Variants in SRSF11 observed in about 807,000 individuals in gnomAD.
SRSF11 encodes the protein serine and arginine rich splicing factor 11.
SRSF11 carries 9 observed loss-of-function variants against 56.0 expected under a neutral mutation model. The observed-to-expected ratio is 0.16, with a 90% CI of 0.10 to 0.28. The LOEUF (loss-of-function observed/expected upper bound fraction) is 0.28, where lower values mean the gene tolerates loss of function less well. Among genes scored for constraint, SRSF11 ranks in the 10% least tolerant of loss-of-function variants. The pLI is 1.00. For missense variants in SRSF11, 421 were observed against 600.7 expected (o/e 0.70, Z 3.13); for synonymous variants, 222 against 215.3 (o/e 1.03, Z -0.27).
At chr1:70,235,245 C>G (rs1014547481) in intron 4 of SRSF11, among the ~76,000 whole-genome samples, 6 of 151,512 alleles carry the variant, frequency 4.0e-5, no homozygotes, top group African/African-American at 1.5e-4. Context: ...AATACCTAGA[C>G]TGTTCAGCCT....
intron 6 of SRSF11, 120 bp from the exon 7 acceptor site, chr1:70,239,319 T>A: frequency 1.5e-6 from 1 of 659,088 alleles, no homozygotes; most frequent in Non-Finnish European, 2.6e-6. Flanking sequence ...CTTGAACTCC[T>A]GGACTGAAGT....
rs1670569916 is a variant in SRSF11 at position 70,221,404 on chromosome 1, GGGC to G, written c.-229_-227del. 1.9e-6 allele frequency: 1 copy of G among 538,214 alleles called. No individual in the cohort carries two copies. Among genetic ancestry groups the G allele is most frequent in the Non-Finnish European group, 3.2e-6 (1 of 310,064 alleles). The allele number at this position is 538,214 out of a possible 1,614,324, so 33.3% of individuals were successfully genotyped here. The stretch of plus-strand genomic sequence containing the variant: ...TAGTGTCGTGGTTGGAGGCGAGGTG[GGGC>G]GGCCGTTTGTTTTCTCGTGGTCTCG... On this transcript the variant is annotated 5_prime_UTR_variant, in exon 1 of 12. Coordinates refer to ENST00000370949, the MANE Select transcript of SRSF11 (RefSeq NM_001350605.2).
At chr1:70,225,946 A>T (rs1419017599) in intron 1 of SRSF11, among the ~76,000 whole-genome samples, 1 of 152,112 alleles carries the variant, frequency 6.6e-6, no homozygotes, top group Non-Finnish European at 1.5e-5. Context: ...GATAAATTTT[A>T]TTAGGAGGCT....
rs1483281859 is a variant in SRSF11, at chr1:70,252,480, T to C, written c.*1675T>C. 2 of 152,076 alleles carry C rather than the reference T, an allele frequency of 1.3e-5. No individual in the cohort carries two copies. Among genetic ancestry groups the C allele is most frequent in the South Asian group, 2.1e-4 (1 of 4,832 alleles). The allele number at this position is 152,076 out of a possible 1,614,324, so 9.4% of individuals were successfully genotyped here. The stretch of plus-strand genomic sequence containing the variant: ...CTTTTATCCAAGTTTTGAGTATAAA[T>C]AGGGTTTTGTTTTGTTTTTTTTAAC... On this transcript the variant is annotated 3_prime_UTR_variant, in exon 12 of 12. Coordinates refer to ENST00000370949, the MANE Select transcript of SRSF11 (RefSeq NM_001350605.2).
chr1:70,229,255 G>A (rs1252424884), intron 2 of SRSF11: 20 of 1,289,478 alleles, frequency 1.6e-5, no homozygotes, highest in Non-Finnish European at 1.9e-5. Context: ...GAAAAACAGT[G>A]GGTCCTCTGC....
At chr1:70,234,403 AG>A (rs1558189328) in intron 3 of SRSF11, among the ~76,000 whole-genome samples, 1 of 152,160 alleles carries the variant, frequency 6.6e-6, no homozygotes, top group Non-Finnish European at 1.5e-5. Context: ...TCTAGGATTT[AG>A]GGGGGAAATG....
intron 3 of SRSF11, among the ~76,000 whole-genome samples, chr1:70,233,292 C>G (rs902627381): frequency 6.6e-6 from 1 of 151,842 alleles, no homozygotes; most frequent in Non-Finnish European, 1.5e-5. Flanking sequence ...TCACCCAGGC[C>G]GGAGTGCAAT....
At chr1:70,230,669 C>CT in intron 2 of SRSF11, 2 of 1,229,494 alleles carry the variant, frequency 1.6e-6, no homozygotes, top group South Asian at 2.8e-5. Flanking sequence ...TTTAAATAGT[C>CT]TTTTTTTAAT....
At chr1:70,226,435 T>C (rs1311086994) in intron 1 of SRSF11, among the ~76,000 whole-genome samples, 1 of 152,144 alleles carries the variant, frequency 6.6e-6, no homozygotes, top group Non-Finnish European at 1.5e-5. Context: ...AAAAAAAATA[T>C]GAGTCACTTT....
chr1:70,238,529 C>T (rs1226669079), intron 6 of SRSF11, among the ~76,000 whole-genome samples: 1 of 152,114 alleles, frequency 6.6e-6, no homozygotes, highest in Non-Finnish European at 1.5e-5. Flanking sequence ...GTTATGTCCC[C>T]AGTTAAGGAA....
At chr1:70,207,625 C>T (rs1256345405) in intron 1 of SRSF11, among the ~76,000 whole-genome samples, 1 of 151,788 alleles carries the variant, frequency 6.6e-6, no homozygotes, top group Non-Finnish European at 1.5e-5. Flanking sequence ...AACAACCTAC[C>T]TTTGGGGAAG....
At chr1:70,230,075 G>A (rs1010751719) in intron 2 of SRSF11, 23 of 985,110 alleles carry the variant, frequency 2.3e-5, no homozygotes, top group Non-Finnish European at 2.8e-5. Context: ...AAACATTTTG[G>A]TTAGCCTGTA....
intron 9 of SRSF11, among the ~76,000 whole-genome samples, chr1:70,247,382 C>G (rs1676996085): frequency 6.6e-6 from 1 of 152,002 alleles, no homozygotes; most frequent in African/African-American, 2.4e-5. Context: ...ATGTTGCAGA[C>G]CTTACTGCAC....
In SRSF11 at chr1:70,212,404, G is replaced by A. The variant is rs568419989; in HGVS notation, c.-26+6624G>A. ...CCCCAATAGCTGGGATTATAGGCAC[G>A]CACCACCACACCCGGCTAATTTTTG... On this transcript the variant is annotated intron_variant, in intron 1 of 12. Coordinates refer to the SRSF11 transcript ENST00000370950. Among the ~76,000 whole-genome samples, 16 of 152,058 alleles carry A rather than the reference G, an allele frequency of 1.1e-4. No individual in the cohort carries two copies. The South Asian group carries it at 2.5e-3, about 24-fold the overall frequency.
At chr1:70,221,321 G>A (rs544758634), upstream of SRSF11, 61 of 361,932 alleles carry the variant, frequency 1.7e-4, no homozygotes, top group African/African-American at 1.1e-3. Context: ...GCCTGCGCGG[G>A]GTGGAGCCGA....
At chr1:70,234,111 G>T (rs770087468) in intron 3 of SRSF11, among the ~76,000 whole-genome samples, 3 of 152,170 alleles carry the variant, frequency 2.0e-5, no homozygotes, top group African/African-American at 4.8e-5. Context: ...AACTTACTGA[G>T]AGGCGAGGGC....
rs1677837281 is a variant in SRSF11, at chr1:70,250,797, A to G, written c.1447A>G (p.Ser483Gly). ...TCATCATGAAGAAGACATGGATATG[A>G]GTGACTGAATATTGCCTCTGAGGGA... The part of the protein sequence containing the change: ...DDHHEEDMDM[S>G]D The change falls in exon 12 of 12, where the codon AGT becomes GGT. Residue 483 changes from serine (S) to glycine (G), a missense_variant. Physicochemically the swap from Ser to Gly is moderately conservative, Grantham distance 56 (BLOSUM62 0). Around this residue, in one of 2 missense-constraint regions of SRSF11, gnomAD observed 253 missense variants for 305.8 expected, o/e 0.83. Coordinates refer to ENST00000370949, the MANE Select transcript of SRSF11 (RefSeq NM_001350605.2). 6.2e-7 allele frequency: 1 copy of G among 1,613,700 alleles called. No homozygotes were observed. The highest frequency in any genetic ancestry group is 8.5e-7 in the Non-Finnish European group (1 of 1,179,838).
chr1:70,218,980 T>A (rs533574570), upstream of SRSF11: 6 of 152,196 alleles, frequency 3.9e-5, no homozygotes, highest in Non-Finnish European at 7.3e-5. Flanking sequence ...GCATTTACAT[T>A]GTATTCAGTA....
At chr1:70,214,162 C>G (rs541793927) in intron 1 of SRSF11, among the ~76,000 whole-genome samples, 16 of 152,282 alleles carry the variant, frequency 1.1e-4, no homozygotes, top group African/African-American at 3.9e-4. Flanking sequence ...ACATATAACT[C>G]TACTGGATAT....
Sources: allele counts gnomAD v4.1 joint callset (sites outside exome capture counted in the v4.1 genomes callset), GRCh38; gene constraint gnomAD v4.1.1; regional missense constraint gnomAD v4.1.1; transcripts MANE v1.5; gene names NCBI Gene and HGNC (gene_info 2026-07-23, HGNC 2026-07-21).